The following TCF7L1 variants were observed in gnomAD, a reference collection of about 807,000 sequenced individuals.
The protein encoded by TCF7L1 is transcription factor 7-like 1.
TCF7L1 carries 18 observed loss-of-function variants against 63.7 expected under a neutral mutation model. That is an observed-to-expected ratio of 0.28 (90% CI 0.20 to 0.42). TCF7L1 has a LOEUF of 0.42. Among genes scored for constraint, TCF7L1 ranks in the 10% least tolerant of loss-of-function variants. TCF7L1 has a pLI of 1.00. For synonymous variants in TCF7L1, 355 were observed against 340.9 expected, an observed-to-expected ratio of 1.04 and a Z score of -0.46; for missense variants, 654 against 779.3, an observed-to-expected ratio of 0.84 and a Z score of 1.91.
At chr2:85,299,955 G>C (rs113273066) in intron 4 of TCF7L1, among the ~76,000 whole-genome samples, 7 of 150,130 alleles carry the variant, frequency 4.7e-5, no homozygotes, top group African/African-American at 1.7e-4. Flanking sequence ...TGACCATAGC[G>C]ACAGGGTTAG....
chr2:85,201,319 A>G lies in TCF7L1; in HGVS notation c.441+66869A>G, dbSNP rs2104277879. On this transcript the variant is annotated intron_variant, in intron 3 of 11. Coordinates refer to ENST00000282111, the MANE Select transcript of TCF7L1 (RefSeq NM_031283.3). Reference sequence around the variant, plus strand: ...TTTGTTTACATTTCTCTGACTATAAATGGTGCCATGTACAGTCTGTGTGTG... The same window carrying G: ...TTTGTTTACATTTCTCTGACTATAAGTGGTGCCATGTACAGTCTGTGTGTG... Among the ~76,000 whole-genome samples the G allele has an allele frequency of 1.3e-5, 2 of 152,320 alleles. 1 individual carries two copies. The highest frequency in any genetic ancestry group is 3.9e-4 in the East Asian group (2 of 5,186).
At chr2:85,160,898 T>C (rs1483265701) in intron 3 of TCF7L1, among the ~76,000 whole-genome samples, 1 of 152,096 alleles carries the variant, frequency 6.6e-6, no homozygotes, top group East Asian at 1.9e-4. Context: ...CAGAAGATCA[T>C]TTGCAATCAT....
chr2:85,305,498 C>G, intron 8 of TCF7L1, 95 bp downstream of exon 8: 1 of 1,422,298 alleles, frequency 7.0e-7, no homozygotes, highest in Non-Finnish European at 9.3e-7. Context: ...ACTCTTCTCT[C>G]TTGGTGTCAC....
At chr2:85,238,234 G>A (rs1269250929) in intron 3 of TCF7L1, among the ~76,000 whole-genome samples, 1 of 152,216 alleles carries the variant, frequency 6.6e-6, no homozygotes, top group African/African-American at 2.4e-5. Flanking sequence ...CCAGGCTTCG[G>A]CACTTTGTGT....
At chr2:85,286,595 A>G (rs1681563364) in intron 4 of TCF7L1, among the ~76,000 whole-genome samples, 1 of 151,928 alleles carries the variant, frequency 6.6e-6, no homozygotes, top group African/African-American at 2.4e-5. Flanking sequence ...TCCTGGGTTC[A>G]AGCGATTCTC....
chr2:85,289,545 G>T (rs745549125), intron 4 of TCF7L1, among the ~76,000 whole-genome samples: 6 of 152,208 alleles, frequency 3.9e-5, no homozygotes, highest in Non-Finnish European at 5.9e-5. Flanking sequence ...ATAGAGGAAG[G>T]TGTAGAGAAA....
chr2:85,173,825 C>T (rs1449654553), intron 3 of TCF7L1, among the ~76,000 whole-genome samples: 1 of 152,084 alleles, frequency 6.6e-6, no homozygotes, highest in Non-Finnish European at 1.5e-5. Flanking sequence ...CAACCTCTGC[C>T]TCTTGGGTTT....
chr2:85,233,913 C>G (rs1197059146), intron 3 of TCF7L1: 1 of 152,030 alleles, frequency 6.6e-6, no homozygotes, highest in African/African-American at 2.4e-5. Flanking sequence ...TTTTCATTAC[C>G]GAGCGGTTTT....
intron 3 of TCF7L1, among the ~76,000 whole-genome samples, chr2:85,236,784 C>T (rs539146149): frequency 3.2e-4 from 49 of 152,054 alleles, no homozygotes; most frequent in Non-Finnish European, 5.1e-4. Context: ...TTTAGAGGAG[C>T]GTCAAAAGTC....
intron 3 of TCF7L1, among the ~76,000 whole-genome samples, chr2:85,201,428 G>A (rs965694885): frequency 6.6e-6 from 1 of 152,156 alleles, no homozygotes; most frequent in South Asian, 2.1e-4. Context: ...TAGTATCTAC[G>A]TAGATTTGAT....
At chr2:85,148,880 T>TTC (rs1677942656) in intron 3 of TCF7L1, among the ~76,000 whole-genome samples, 1 of 150,944 alleles carries the variant, frequency 6.6e-6, no homozygotes, top group African/African-American at 2.4e-5. Context: ...GTTCAAGCGA[T>TTC]TCTCTCTCCT....
chr2:85,286,291 G>T (rs1264367787), intron 4 of TCF7L1, among the ~76,000 whole-genome samples: 5 of 151,764 alleles, frequency 3.3e-5, no homozygotes, highest in African/African-American at 1.2e-4. Flanking sequence ...GGAGGTGGAA[G>T]TTGCAGTGAG....
intron 3 of TCF7L1, among the ~76,000 whole-genome samples, chr2:85,192,852 T>A (rs1470334148): frequency 6.6e-6 from 1 of 151,954 alleles, no homozygotes; most frequent in Non-Finnish European, 1.5e-5. Flanking sequence ...TTTTTTTAAA[T>A]TTTTTGTAGA....
chr2:85,284,318 TCTTCTGTA>T (rs1174705164), intron 4 of TCF7L1, among the ~76,000 whole-genome samples: 1 of 152,132 alleles, frequency 6.6e-6, no homozygotes, highest in Non-Finnish European at 1.5e-5. Context: ...CCGAAGAGGC[TCTTCTGTA>T]CAGGATGTTA....
chr2:85,198,201 C>CT (rs1263228336), intron 3 of TCF7L1, among the ~76,000 whole-genome samples: 1 of 152,168 alleles, frequency 6.6e-6, no homozygotes, highest in Admixed American at 6.5e-5. Context: ...GTTTTATTAG[C>CT]TTTTAGTAAA....
At chr2:85,206,301 G>T (rs1172915848) in intron 3 of TCF7L1, among the ~76,000 whole-genome samples, 1 of 152,198 alleles carries the variant, frequency 6.6e-6, no homozygotes, top group Non-Finnish European at 1.5e-5. Context: ...GACCAGAGAC[G>T]CTCTGCAGTC....
intron 3 of TCF7L1, among the ~76,000 whole-genome samples, chr2:85,168,192 A>AACACACACAC (rs55736939): frequency 0.064 from 9,287 of 145,560 alleles, 339 homozygotes; most frequent in East Asian, 0.13. Flanking sequence ...GTTCTTACCA[A>AACACACACAC]ACACACACAC....
chr2:85,233,277 A>G (rs1056488185), intron 3 of TCF7L1, among the ~76,000 whole-genome samples: 28 of 149,736 alleles, frequency 1.9e-4, no homozygotes, highest in Admixed American at 3.3e-4. Flanking sequence ...GAGTCAGCAC[A>G]CTTTCTTTTT....
intron 3 of TCF7L1, among the ~76,000 whole-genome samples, chr2:85,150,121 T>C (rs1265994893): frequency 6.6e-6 from 1 of 152,236 alleles, no homozygotes; most frequent in Non-Finnish European, 1.5e-5. Context: ...TTTTTACTTT[T>C]ATTTATTCAT....
Sources: gnomAD v4.1 joint callset for allele counts (sites outside exome capture counted in the v4.1 genomes callset) on GRCh38, gnomAD v4.1.1 for gene constraint, MANE v1.5 for transcripts, NCBI Gene and HGNC (gene_info 2026-07-23, HGNC 2026-07-21) for gene names.